The following SDK2 variants were observed in gnomAD, a reference collection of about 807,000 sequenced individuals.
SDK2 encodes the protein protein sidekick-2.
In SDK2, 105 loss-of-function variants were observed where a neutral mutation model predicts 253.9. That is an observed-to-expected ratio of 0.41 (90% CI 0.35 to 0.49). SDK2 has a LOEUF of 0.49. Ranked by LOEUF, SDK2 falls within the 20% of genes least tolerant of loss-of-function variation. SDK2 has a pLI of 0.06. For synonymous variants in SDK2, 1,249 were observed against 1,234.9 expected, an observed-to-expected ratio of 1.01 and a Z score of -0.24; for missense variants, 2,608 against 3,003.0, an observed-to-expected ratio of 0.87 and a Z score of 3.07.
intron 1 of SDK2, among the ~76,000 whole-genome samples, chr17:73,524,916 T>A (rs2064113193): frequency 6.6e-6 from 1 of 152,228 alleles, no homozygotes; most frequent in Admixed American, 6.5e-5. Flanking sequence ...AAGGGTTCCA[T>A]CTCGCCTCTG....
chr17:73,355,990 C>G (rs773625006), intron 40 of SDK2, among the ~76,000 whole-genome samples: 4 of 152,188 alleles, frequency 2.6e-5, no homozygotes, highest in Non-Finnish European at 5.9e-5. Context: ...GTCAAGCATC[C>G]TGGGTCTACG....
intron 1 of SDK2, chr17:73,520,356 G>C (rs1191265567): frequency 2.0e-5 from 3 of 152,288 alleles, no homozygotes; most frequent in African/African-American, 4.8e-5. Flanking sequence ...CTGGACCAAG[G>C]TCAAGGCCAC....
In SDK2 at chr17:73,441,312, C is replaced by G. The variant is rs528141688; in HGVS notation, c.614-389G>C. On this transcript the variant is annotated intron_variant, in intron 5 of 44. Transcript: ENST00000392650. ...CACGTCCTCCACCAGAATGCAAACT[C>G]TCTGTACGAGGTCAAACAGAGTCAC... 2.0e-5 allele frequency among the ~76,000 whole-genome samples: 3 copies of G among 152,248 alleles called. No homozygotes were observed. In the South Asian group the frequency reaches 6.2e-4, roughly 32 times the overall value.
intron 1 of SDK2, among the ~76,000 whole-genome samples, chr17:73,631,263 C>T (rs1275472431): frequency 2.0e-5 from 3 of 152,202 alleles, no homozygotes; most frequent in East Asian, 1.9e-4. Context: ...AACGGTCTGC[C>T]GGCCAACCCG....
intron 1 of SDK2, among the ~76,000 whole-genome samples, chr17:73,589,587 G>A (rs574581927): frequency 2.6e-5 from 4 of 152,314 alleles, no homozygotes; most frequent in Non-Finnish European, 4.4e-5. Context: ...TACTGGCTCC[G>A]CAGCCTTAGG....
intron 1 of SDK2, among the ~76,000 whole-genome samples, chr17:73,546,720 G>A (rs2044971160): frequency 6.6e-6 from 1 of 152,242 alleles, no homozygotes; most frequent in African/African-American, 2.4e-5. Flanking sequence ...TCTGTGGAGT[G>A]ACCTGGCCAG....
At chr17:73,444,783 C>T (rs1049546899) in intron 5 of SDK2, among the ~76,000 whole-genome samples, 6 of 152,122 alleles carry the variant, frequency 3.9e-5, no homozygotes, top group Admixed American at 1.3e-4. Context: ...GGTCGGTGAG[C>T]GGTGGGGCAG....
At chr17:73,381,093 T>C (rs2062827150) in intron 33 of SDK2, 143 bp from the exon 34 acceptor site, 2 of 634,336 alleles carry the variant, frequency 3.2e-6, no homozygotes, top group Admixed American at 2.6e-5. Context: ...GTTTCCAAAT[T>C]TCCAATGCTG....
intron 1 of SDK2, among the ~76,000 whole-genome samples, chr17:73,607,159 T>C (rs967979789): frequency 4.6e-5 from 7 of 152,174 alleles, no homozygotes; most frequent in African/African-American, 1.7e-4. Flanking sequence ...ATAAGTGGTG[T>C]GGACAACAAG....
chr17:73,628,408 G>A (rs919966311), intron 1 of SDK2, among the ~76,000 whole-genome samples: 10 of 152,246 alleles, frequency 6.6e-5, no homozygotes, highest in African/African-American at 2.4e-4. Context: ...CTAGACGCCT[G>A]AGAGGATTGG....
rs569900235 is a variant in SDK2 at position 73,388,061 on chromosome 17, A to G, written c.4193-24T>C. ...GTCTGGGAGGTGGCAGAGGGGGAGG[A>G]GCAGGTGAGTGGGCCAGGCCATGGT... On this transcript the variant is annotated intron_variant, in intron 29 of 44. Transcript: ENST00000392650. The G allele has an allele frequency of 5.2e-6, 8 of 1,543,992 alleles. No homozygotes were observed. The East Asian group carries it at 1.2e-4, about 23-fold the overall frequency.
chr17:73,510,862 G>A (rs34889528), intron 1 of SDK2, among the ~76,000 whole-genome samples: 34,269 of 152,122 alleles, frequency 0.23, 4,367 homozygotes, highest in Non-Finnish European at 0.28. Context: ...CTTAACAAGC[G>A]TCAGGTGAAC....
At chr17:73,564,158 A>G (rs2045278576) in intron 1 of SDK2, among the ~76,000 whole-genome samples, 2 of 152,326 alleles carry the variant, frequency 1.3e-5, no homozygotes, top group African/African-American at 4.8e-5. Context: ...TCTTGGATTT[A>G]CTTAGAGCTG....
At chr17:73,418,770 C>T (rs1219684055) in intron 16 of SDK2, among the ~76,000 whole-genome samples, 1 of 152,202 alleles carries the variant, frequency 6.6e-6, no homozygotes, top group Non-Finnish European at 1.5e-5. Context: ...AAAGAACTTT[C>T]ACTTTTCCAT....
chr17:73,516,078 G>A (rs147167232), intron 1 of SDK2, among the ~76,000 whole-genome samples: 2 of 152,266 alleles, frequency 1.3e-5, no homozygotes, highest in East Asian at 3.9e-4. Flanking sequence ...TAAGAAGCCC[G>A]CAGTCTCTTG....
At chr17:73,357,333 T>G (rs1055203144) in intron 40 of SDK2, 6 of 152,778 alleles carry the variant, frequency 3.9e-5, no homozygotes, top group African/African-American at 1.4e-4. Context: ...CCCATTATGA[T>G]TGTTATTTGC....
chr17:73,352,339 G>T lies in SDK2; in HGVS notation c.5758+134C>A, dbSNP rs111595834. On this transcript the variant is annotated intron_variant, in intron 41 of 44. Coordinates refer to ENST00000392650, the MANE Select transcript of SDK2 (RefSeq NM_001144952.2). The surrounding 1 kb of genome is among the most constrained non-coding windows in gnomAD (Gnocchi z 4.1). ...CCAGCACTTGCCTCTTCACAGCCCC[G>T]AGGGGACAATGTGTTTTTGTTCCCG... 1 of 1,147,306 alleles carries T rather than the reference G, an allele frequency of 8.7e-7. No individual in the cohort carries two copies. Among genetic ancestry groups the T allele is most frequent in the South Asian group, 1.5e-5 (1 of 64,868 alleles). The allele number at this position is 1,147,306 out of a possible 1,614,324, so 71.1% of individuals were successfully genotyped here. A position where few individuals can be genotyped will look rare whatever the true frequency, so the allele number is the denominator to read the frequency against.
intron 18 of SDK2, 110 bp downstream of exon 18, chr17:73,414,534 A>G (rs1264722704): frequency 5.0e-6 from 4 of 807,270 alleles, no homozygotes; most frequent in Non-Finnish European, 8.3e-6. Flanking sequence ...ACTCGAGCCA[A>G]TGACTTCAGA....
intron 2 of SDK2, among the ~76,000 whole-genome samples, chr17:73,477,761 T>C (rs2063696319): frequency 6.6e-6 from 1 of 152,144 alleles, no homozygotes; most frequent in African/African-American, 2.4e-5. Flanking sequence ...ATTCCTCGGC[T>C]TCTGACCCCT....
Sources: gnomAD v4.1 joint callset for allele counts (sites outside exome capture counted in the v4.1 genomes callset) on GRCh38, gnomAD v4.1.1 for gene constraint, Gnocchi (gnomAD v3.1) non-coding constraint, MANE v1.5 for transcripts, NCBI Gene and HGNC (gene_info 2026-07-23, HGNC 2026-07-21) for gene names.